Variants in UNC45B observed in about 807,000 individuals in gnomAD.
UNC45B encodes the protein protein unc-45 homolog B.
A neutral mutation model predicts 98.7 loss-of-function variants in UNC45B; 78 were observed. The observed-to-expected ratio is 0.79, with a 90% CI of 0.66 to 0.95. The LOEUF (loss-of-function observed/expected upper bound fraction) is 0.95, where lower values mean the gene tolerates loss of function less well. Ranked by LOEUF, UNC45B falls within the 40% of genes least tolerant of loss-of-function variation. UNC45B has a pLI of 0.00. For missense variants in UNC45B, 1,225 were observed against 1,184.9 expected, an observed-to-expected ratio of 1.03 and a Z score of -0.50; for synonymous variants, 462 against 480.4, an observed-to-expected ratio of 0.96 and a Z score of 0.50.
At chr17:35,176,890 G>A in intron 15 of UNC45B, 127 bp from the exon 16 acceptor site, 1 of 673,386 alleles carries the variant, frequency 1.5e-6, no homozygotes, top group East Asian at 2.5e-5. Flanking sequence ...TGATGTGCAA[G>A]GGCTGATTAT....
chr17:35,159,397 G>T lies in UNC45B; in HGVS notation c.831G>T (p.Gln277His). The change falls in exon 8 of 20, where the codon CAG becomes CAT. Residue 277 changes from glutamine (Q) to histidine (H), a missense_variant. Gln to His is a conservative substitution (Grantham distance 24). Coordinates refer to ENST00000394570, the MANE Select transcript of UNC45B (RefSeq NM_001267052.2). ...CAGACACCAAGAAGGACCTGAAGCA[G>T]ATCACCAGCCACCTGCTGGACATGC... ...LVLDTKKDLK[Q>H]ITSHLLDMLV... 6.2e-7 allele frequency: 1 copy of T among 1,613,804 alleles called. No homozygotes were observed. The highest frequency in any genetic ancestry group is 8.5e-7 in the Non-Finnish European group (1 of 1,179,780).
chr17:35,183,218 G>A (rs1299669838), intron 18 of UNC45B, among the ~76,000 whole-genome samples: 1 of 149,850 alleles, frequency 6.7e-6, no homozygotes, highest in Non-Finnish European at 1.5e-5. Context: ...CACTAGATGG[G>A]GAATTCCTTA....
rs924835984 is a variant in UNC45B, at chr17:35,186,883, G to T, written c.*324G>T. On this transcript the variant is annotated 3_prime_UTR_variant, in exon 20 of 20. Transcript: ENST00000394570. ...CTGAAGGCCAGGATAATAGGTTGAA[G>T]TTCTTTATATTTTGGAAAATGGATT... The T allele has an allele frequency of 4.0e-6, 1 of 248,530 alleles. No individual in the cohort carries two copies. The highest frequency in any genetic ancestry group is 5.1e-5 in the Admixed American group (1 of 19,794). 15.4% of individuals were successfully genotyped at this position (248,530 alleles called of 1,614,324 possible).
chr17:35,173,890 G>C (rs994066950), intron 13 of UNC45B, among the ~76,000 whole-genome samples: 31 of 149,086 alleles, frequency 2.1e-4, no homozygotes, highest in Admixed American at 1.8e-3. Flanking sequence ...TCGGCTCACT[G>C]CAAGCTCTGC....
intron 8 of UNC45B, among the ~76,000 whole-genome samples, chr17:35,159,894 G>A (rs1291232796): frequency 1.3e-5 from 2 of 152,232 alleles, no homozygotes; most frequent in Non-Finnish European, 2.9e-5. Flanking sequence ...GGAGGAAATT[G>A]CATCAAGTAT....
chr17:35,174,160 A>G lies in UNC45B; in HGVS notation c.1831-82A>G, dbSNP rs1160500674. 8 of 1,580,548 alleles carry G rather than the reference A, an allele frequency of 5.1e-6. No homozygotes were observed. The East Asian group carries it at 1.6e-4, about 31-fold the overall frequency. ...ATTATTCAACCAACCCCAAGAATTC[A>G]GAAATGCACCATCTTTGGTTCCAAT... is the stretch of plus-strand genomic sequence containing the variant. On this transcript the variant is annotated intron_variant, in intron 13 of 19. Coordinates refer to ENST00000394570, the MANE Select transcript of UNC45B (RefSeq NM_001267052.2).
Position 35,166,601 on chromosome 17 carries a change from G to A in UNC45B, c.1152-1460G>A, listed in dbSNP as rs146528888. Among the ~76,000 whole-genome samples, 13 of 152,258 alleles carry A rather than the reference G, an allele frequency of 8.5e-5. No individual in the cohort carries two copies. The South Asian group carries it at 1.9e-3, about 22-fold the overall frequency. ...CCCTAGCAAGAGTGGAATACATCCCGCTTCATCAGGGGCGGGGGCTGTGTG... is the reference window on the plus strand; with the variant it reads ...CCCTAGCAAGAGTGGAATACATCCCACTTCATCAGGGGCGGGGGCTGTGTG... On this transcript the variant is annotated intron_variant, in intron 9 of 19. Coordinates refer to ENST00000394570, the MANE Select transcript of UNC45B (RefSeq NM_001267052.2).
Position 35,170,312 on chromosome 17 carries a change from A to G in UNC45B, c.1689+57A>G, listed in dbSNP as rs7213921. Reference sequence around the variant, plus strand: ...ACCTCAGGAAAGGTCTGCTGGGTCCAGACCCACAGGGAATGGATCCCAGTC... The same window carrying G: ...ACCTCAGGAAAGGTCTGCTGGGTCCGGACCCACAGGGAATGGATCCCAGTC... On this transcript the variant is annotated intron_variant, in intron 12 of 19. Coordinates refer to ENST00000394570, the MANE Select transcript of UNC45B (RefSeq NM_001267052.2). The G allele has an allele frequency of 0.49, 734,824 of 1,512,368 alleles. 179,588 individuals are homozygous for G. The highest frequency in any genetic ancestry group is 0.56 in the African/African-American group (40,387 of 72,738). 93.7% of individuals were successfully genotyped at this position (1,512,368 alleles called of 1,614,324 possible). A position where few individuals can be genotyped will look rare whatever the true frequency, so the allele number is the denominator to read the frequency against.
At chr17:35,155,718 C>T (rs2092056154) in intron 7 of UNC45B, among the ~76,000 whole-genome samples, 1 of 152,106 alleles carries the variant, frequency 6.6e-6, no homozygotes, top group East Asian at 1.9e-4. Flanking sequence ...TACAGGCACA[C>T]ACCATCATGC....
At chr17:35,153,330 G>A (rs893649982) in intron 5 of UNC45B, among the ~76,000 whole-genome samples, 2 of 152,100 alleles carry the variant, frequency 1.3e-5, no homozygotes, top group Non-Finnish European at 2.9e-5. Flanking sequence ...TTGCACCCAA[G>A]GCAAGTACCT....
chr17:35,181,683 C>T (rs1410082743), intron 18 of UNC45B, among the ~76,000 whole-genome samples: 2 of 150,798 alleles, frequency 1.3e-5, no homozygotes, highest in Non-Finnish European at 2.9e-5. Context: ...CCCAGCTACT[C>T]GGGAGCCTGA....
chr17:35,173,526 C>T (rs560693501), intron 13 of UNC45B, among the ~76,000 whole-genome samples: 2 of 152,256 alleles, frequency 1.3e-5, no homozygotes, highest in East Asian at 3.9e-4. Context: ...TTGGGAGGCT[C>T]TAAGGGAGAA....
intron 17 of UNC45B, among the ~76,000 whole-genome samples, chr17:35,179,846 T>G (rs1334788408): frequency 6.6e-6 from 1 of 151,934 alleles, no homozygotes; most frequent in Non-Finnish European, 1.5e-5. Flanking sequence ...CACGCACATG[T>G]ATACCTATGT....
intron 1 of UNC45B, 117 bp downstream of exon 1, chr17:35,148,027 G>A: frequency 1.9e-6 from 1 of 539,012 alleles, no homozygotes; most frequent in Non-Finnish European, 3.3e-6. Context: ...GCTCAGGCTG[G>A]GAGGGACAGA....
intron 4 of UNC45B, among the ~76,000 whole-genome samples, chr17:35,151,712 C>T (rs77336424): frequency 0.018 from 2,681 of 152,274 alleles, 25 homozygotes; most frequent in Non-Finnish European, 0.028. Flanking sequence ...AGCATGCTGT[C>T]CAGGGTGCAG....
At chr17:35,152,304 C>A (rs116333866) in intron 4 of UNC45B, among the ~76,000 whole-genome samples, 140 of 151,914 alleles carry the variant, frequency 9.2e-4, no homozygotes, top group African/African-American at 3.3e-3. Flanking sequence ...TAGTGTGGAC[C>A]CCCCCAAACA....
At chr17:35,162,001 TG>T (rs35556362) in intron 8 of UNC45B, among the ~76,000 whole-genome samples, 6 of 152,370 alleles carry the variant, frequency 3.9e-5, no homozygotes, top group African/African-American at 1.4e-4. Context: ...GGAGAGGGCA[TG>T]GAAGTGCCAC....
At chr17:35,172,393 G>A (rs1330486097) in intron 13 of UNC45B, among the ~76,000 whole-genome samples, 1 of 152,036 alleles carries the variant, frequency 6.6e-6, no homozygotes, top group Non-Finnish European at 1.5e-5. Flanking sequence ...GGAATTCCAG[G>A]CATGCACCAC....
chr17:35,165,200 T>C (rs1435922095), intron 9 of UNC45B, among the ~76,000 whole-genome samples: 1 of 152,144 alleles, frequency 6.6e-6, no homozygotes, highest in East Asian at 1.9e-4. Context: ...GCTTCTGTGG[T>C]TGAAAGGAAC....
Sources: gnomAD v4.1 joint callset for allele counts (sites outside exome capture counted in the v4.1 genomes callset) on GRCh38, gnomAD v4.1.1 for gene constraint, MANE v1.5 for transcripts, NCBI Gene and HGNC (gene_info 2026-07-23, HGNC 2026-07-21) for gene names.